PRDM11: variants seen among roughly 807,000 people sequenced by gnomAD.
PRDM11 encodes the protein PR/SET domain 11.
PRDM11 carries 20 observed loss-of-function variants against 97.8 expected under a neutral mutation model. The observed-to-expected ratio is 0.20, with a 90% CI of 0.14 to 0.30. The LOEUF (loss-of-function observed/expected upper bound fraction) is 0.30, where lower values mean the gene tolerates loss of function less well. Ranked by LOEUF, PRDM11 falls within the 10% of genes least tolerant of loss-of-function variation. The pLI is 1.00. For synonymous variants in PRDM11, 599 were observed against 637.7 expected, an observed-to-expected ratio of 0.94 and a Z score of 0.91; for missense variants, 1,139 against 1,555.2, an observed-to-expected ratio of 0.73 and a Z score of 4.50.
intron 6 of PRDM11, among the ~76,000 whole-genome samples, chr11:45,222,027 G>C (rs1854134611): frequency 6.6e-6 from 1 of 152,196 alleles, no homozygotes; most frequent in Non-Finnish European, 1.5e-5. Context: ...TGAATTATTA[G>C]TTCTTATTAA....
chr11:45,200,917 G>C (rs541950964), intron 4 of PRDM11, among the ~76,000 whole-genome samples: 1 of 152,186 alleles, frequency 6.6e-6, no homozygotes, highest in Non-Finnish European at 1.5e-5. Flanking sequence ...TTGAGATTTT[G>C]ATGTGTATCT....
chr11:45,117,616 G>A (rs139538074), intron 1 of PRDM11, among the ~76,000 whole-genome samples: 383 of 152,188 alleles, frequency 2.5e-3, no homozygotes, highest in African/African-American at 8.6e-3. Context: ...GTGTGGTGGC[G>A]TGCACCTGTA....
At chr11:45,136,547 C>T (rs565084504) in intron 1 of PRDM11, among the ~76,000 whole-genome samples, 5 of 152,284 alleles carry the variant, frequency 3.3e-5, no homozygotes, top group East Asian at 3.9e-4. Flanking sequence ...GTACCCAATG[C>T]GGGGCACTGG....
chr11:45,121,376 A>G (rs1425584189), intron 1 of PRDM11, among the ~76,000 whole-genome samples: 1 of 152,174 alleles, frequency 6.6e-6, no homozygotes, highest in Non-Finnish European at 1.5e-5. Flanking sequence ...TATCTGATAA[A>G]GTAGACTTAA....
chr11:45,135,900 T>A (rs1852831865), intron 1 of PRDM11, among the ~76,000 whole-genome samples: 3 of 152,020 alleles, frequency 2.0e-5, no homozygotes. Flanking sequence ...AAATGAGCTA[T>A]CAAAAACAAG....
Position 45,224,594 on chromosome 11 carries a change from G to C in PRDM11, c.1120G>C (p.Glu374Gln), listed in dbSNP as rs1854217127. The C allele has an allele frequency of 6.2e-7, 1 of 1,614,018 alleles. No homozygotes were observed. Among genetic ancestry groups the C allele is most frequent in the African/African-American group, 1.3e-5 (1 of 74,910 alleles). Residue 374 changes from glutamate (E) to glutamine (Q), a missense_variant, in exon 7 of 8, where the codon GAG (glutamate) becomes CAG (glutamine). Physicochemically the swap from Glu to Gln is conservative, Grantham distance 29. Coordinates refer to ENST00000683152, the MANE Select transcript of PRDM11 (RefSeq NM_001384648.1). The part of the protein sequence containing the change: ...DWKVPQGVSK[E>Q]PGQLEDEEEE... ...GAAGGTCCCCCAGGGGGTCTCCAAG[G>C]AGCCAGGCCAATTGGAGGATGAAGA... is the stretch of plus-strand genomic sequence containing the variant.
chr11:45,181,641 G>A, intron 1 of PRDM11, 120 bp from the exon 2 acceptor site: 1 of 734,514 alleles, frequency 1.4e-6, no homozygotes, highest in South Asian at 1.7e-5. Flanking sequence ...GCTTCCTCTG[G>A]GGATGGCAGG....
intron 1 of PRDM11, among the ~76,000 whole-genome samples, chr11:45,150,441 C>T (rs887241839): frequency 2.0e-5 from 3 of 152,188 alleles, no homozygotes; most frequent in Non-Finnish European, 2.9e-5. Flanking sequence ...TCACCAAACA[C>T]CTTCTGTTGA....
chr11:45,143,593 C>T (rs1429416966), upstream of PRDM11, among the ~76,000 whole-genome samples: 1 of 152,100 alleles, frequency 6.6e-6, no homozygotes, highest in Non-Finnish European at 1.5e-5. Flanking sequence ...TGGAAAAGGA[C>T]AATGAACCAG....
chr11:45,222,778 T>C (rs1854155448), intron 6 of PRDM11, among the ~76,000 whole-genome samples: 1 of 152,192 alleles, frequency 6.6e-6, no homozygotes. Context: ...TGGCCTTCAA[T>C]CAGAAGTCTT....
intron 1 of PRDM11, among the ~76,000 whole-genome samples, chr11:45,136,445 G>A (rs1476689778): frequency 2.0e-5 from 3 of 152,058 alleles, no homozygotes; most frequent in African/African-American, 7.2e-5. Flanking sequence ...AAAACAAGGA[G>A]GCATCTAAAG....
In PRDM11 at chr11:45,119,561, G is replaced by C. The variant is rs1234451397; in HGVS notation, c.96+23660G>C. Among the ~76,000 whole-genome samples, 3 of 149,150 alleles carry C rather than the reference G, an allele frequency of 2.0e-5. No individual in the cohort carries two copies. The East Asian group carries it at 5.9e-4, about 29-fold the overall frequency. On this transcript the variant is annotated intron_variant, in intron 1 of 6. Transcript: ENST00000530656. ...AGGAGAATTGCGTGAACCCCAGTGGGTGGAGCCTGCAGTGAGTGCCACTGC... is the reference window on the plus strand; with the variant it reads ...AGGAGAATTGCGTGAACCCCAGTGGCTGGAGCCTGCAGTGAGTGCCACTGC...
intron 4 of PRDM11, among the ~76,000 whole-genome samples, chr11:45,192,178 G>A (rs994598966): frequency 2.0e-5 from 3 of 152,138 alleles, no homozygotes; most frequent in Admixed American, 1.3e-4. Flanking sequence ...AGGCCCTGGG[G>A]CACACACGTA....
intron 1 of PRDM11, among the ~76,000 whole-genome samples, chr11:45,150,105 C>G (rs542748243): frequency 2.6e-5 from 4 of 152,148 alleles, no homozygotes; most frequent in African/African-American, 9.7e-5. Flanking sequence ...CATCTTTTGT[C>G]CCTCCCATTT....
intron 1 of PRDM11, among the ~76,000 whole-genome samples, chr11:45,153,449 T>C (rs1025234449): frequency 6.6e-6 from 1 of 152,202 alleles, no homozygotes; most frequent in African/African-American, 2.4e-5. Context: ...AAGGGCTGCA[T>C]GGACAGCTCC....
Position 45,182,863 on chromosome 11 carries a change from T to C in PRDM11, c.226T>C (p.Cys76Arg), listed in dbSNP as rs1323263568. The change falls in exon 4 of 8, where the codon TGT becomes CGT. Residue 76 changes from cysteine (C) to arginine (R), a missense_variant and splice_region_variant. Transcript: ENST00000683152. The stretch of plus-strand genomic sequence containing the variant: ...CCCTTCTCTTTCCATCCCTCCAGTC[T>C]GTGAGTCCTGCCAGGAGTACTTCGT... ...KSFQQVDFWFCESCQEYFVDE... is the reference protein window; with the variant it reads ...KSFQQVDFWFRESCQEYFVDE... 1 of 1,582,074 alleles carries C rather than the reference T, an allele frequency of 6.3e-7. No homozygotes were observed. The highest frequency in any genetic ancestry group is 8.6e-7 in the Non-Finnish European group (1 of 1,162,634).
chr11:45,196,447 G>T (rs1853124913), intron 4 of PRDM11, among the ~76,000 whole-genome samples: 1 of 152,144 alleles, frequency 6.6e-6, no homozygotes, highest in South Asian at 2.1e-4. Context: ...ATTTCTATCT[G>T]ATTTCTCTCT....
At chr11:45,136,271 C>T (rs1045263876) in intron 1 of PRDM11, among the ~76,000 whole-genome samples, 2 of 152,056 alleles carry the variant, frequency 1.3e-5, no homozygotes, top group Admixed American at 6.5e-5. Context: ...TTAAATGTTA[C>T]CTGAAATGAT....
chr11:45,214,086 C>A (rs906469735), intron 5 of PRDM11: 5 of 223,072 alleles, frequency 2.2e-5, no homozygotes, highest in Non-Finnish European at 4.5e-5. Flanking sequence ...TGGAGGGCAA[C>A]CTCTTCCCTG....
Sources: allele counts gnomAD v4.1 joint callset (sites outside exome capture counted in the v4.1 genomes callset), GRCh38; gene constraint gnomAD v4.1.1; transcripts MANE v1.5; gene names NCBI Gene and HGNC (gene_info 2026-07-23, HGNC 2026-07-21).